Variants in M1AP observed in about 807,000 individuals in gnomAD.
M1AP encodes meiosis 1 arrest protein.
Under a neutral mutation model 51.2 loss-of-function variants are expected in M1AP, and 39 were observed. The observed-to-expected ratio is 0.76, with a 90% CI of 0.59 to 1.00. M1AP has a LOEUF of 1.00. Ranked by LOEUF, M1AP falls within the 50% of genes least tolerant of loss-of-function variation. The pLI, the probability that M1AP is intolerant of heterozygous loss-of-function variation, is 0.00. For synonymous variants in M1AP, 251 were observed against 249.2 expected (o/e 1.01, Z -0.07); for missense variants, 545 against 641.2 (o/e 0.85, Z 1.62).
chr2:74,644,258 G>A (rs1208763797), intron 1 of M1AP, among the ~76,000 whole-genome samples: 1 of 152,218 alleles, frequency 6.6e-6, no homozygotes, highest in Non-Finnish European at 1.5e-5. Flanking sequence ...TACATAGATA[G>A]GCCGGGCGCA....
chr2:74,618,016 G>A (rs1031902593), intron 2 of M1AP, among the ~76,000 whole-genome samples: 1 of 152,144 alleles, frequency 6.6e-6, no homozygotes, highest in Non-Finnish European at 1.5e-5. Context: ...AACAGCAAAC[G>A]TTTAACCTTA....
intron 1 of M1AP, 111 bp from the exon 2 acceptor site, chr2:74,640,438 T>C: frequency 2.2e-6 from 2 of 896,132 alleles, no homozygotes; most frequent in Non-Finnish European, 1.6e-6. Context: ...TCAGATTGGG[T>C]ACTAAAGCTT....
intron 2 of M1AP, among the ~76,000 whole-genome samples, chr2:74,637,279 C>T (rs1044023122): frequency 8.5e-5 from 13 of 152,288 alleles, no homozygotes; most frequent in African/African-American, 2.9e-4. Context: ...GTTTTCCTCT[C>T]TAAAAGTTTG....
At chr2:74,639,257 T>C (rs1221654805) in intron 2 of M1AP, among the ~76,000 whole-genome samples, 1 of 152,262 alleles carries the variant, frequency 6.6e-6, no homozygotes, top group African/African-American at 2.4e-5. Flanking sequence ...ATATATTACA[T>C]TCATAATTCA....
intron 4 of M1AP, among the ~76,000 whole-genome samples, chr2:74,593,967 C>T (rs773258463): frequency 1.2e-4 from 19 of 152,150 alleles, no homozygotes; most frequent in Non-Finnish European, 2.1e-4. Context: ...GAGCCAGAGC[C>T]GGAGCGCCCT....
chr2:74,633,118 A>G (rs570707070), intron 2 of M1AP, among the ~76,000 whole-genome samples: 33 of 152,072 alleles, frequency 2.2e-4, no homozygotes, highest in Non-Finnish European at 4.0e-4. Flanking sequence ...GCTTTGGTCA[A>G]TGGGAGGCAC....
At chr2:74,601,745 G>T (rs1199971636) in intron 4 of M1AP, among the ~76,000 whole-genome samples, 1 of 152,100 alleles carries the variant, frequency 6.6e-6, no homozygotes, top group East Asian at 1.9e-4. Flanking sequence ...TAATGTGAAT[G>T]TAATTTAAAG....
At chr2:74,590,077 T>A (rs1379310774) in intron 4 of M1AP, among the ~76,000 whole-genome samples, 1 of 152,238 alleles carries the variant, frequency 6.6e-6, no homozygotes, top group Non-Finnish European at 1.5e-5. Flanking sequence ...AAACTTGATT[T>A]ACATAATTTC....
chr2:74,626,206 T>C (rs1288697596), intron 2 of M1AP, among the ~76,000 whole-genome samples: 1 of 152,112 alleles, frequency 6.6e-6, no homozygotes, highest in Admixed American at 6.5e-5. Flanking sequence ...AATTCCCTTA[T>C]ATCTTATAGG....
In M1AP at chr2:74,627,486, G is replaced by C. The variant is rs1361960032; in HGVS notation, c.241-12337C>G. Among the ~76,000 whole-genome samples, 4 of 151,890 alleles carry C rather than the reference G, an allele frequency of 2.6e-5. No homozygotes were observed. The South Asian group carries it at 8.3e-4, about 32-fold the overall frequency. On this transcript the variant is annotated intron_variant, in intron 2 of 10. Transcript: ENST00000421985. Reference sequence around the variant, plus strand: ...TTTCATACCCTAATTTCTTTTTCTTGTATCACTACATCAGTGAAAATATCT... The same window carrying C: ...TTTCATACCCTAATTTCTTTTTCTTCTATCACTACATCAGTGAAAATATCT...
chr2:74,605,679 T>A (rs748733014), intron 4 of M1AP, among the ~76,000 whole-genome samples: 3 of 151,986 alleles, frequency 2.0e-5, no homozygotes, highest in Non-Finnish European at 4.4e-5. Context: ...GGCGGGCAGA[T>A]CACAAGATCA....
At chr2:74,575,634 C>G in intron 6 of M1AP, 55 bp from the exon 7 acceptor site, 1 of 1,368,288 alleles carries the variant, frequency 7.3e-7, no homozygotes. Context: ...GAACCTCCAC[C>G]TAGATCCACT....
At chr2:74,642,191 T>G (rs1181473694) in intron 1 of M1AP, among the ~76,000 whole-genome samples, 2 of 151,384 alleles carry the variant, frequency 1.3e-5, no homozygotes, top group Non-Finnish European at 2.9e-5. Context: ...AAAGGTGTAA[T>G]AAGAAAAAAA....
chr2:74,634,541 T>G (rs566909192), intron 2 of M1AP, among the ~76,000 whole-genome samples: 1 of 152,322 alleles, frequency 6.6e-6, no homozygotes, highest in Non-Finnish European at 1.5e-5. Context: ...CCAAGCTGCA[T>G]GCCTTTTATT....
chr2:74,587,955 T>C (rs1679812479), intron 4 of M1AP, among the ~76,000 whole-genome samples: 1 of 132,712 alleles, frequency 7.5e-6, no homozygotes, highest in Non-Finnish European at 1.5e-5. Flanking sequence ...TAAAATAGGG[T>C]TATAAAATTA....
intron 8 of M1AP, among the ~76,000 whole-genome samples, chr2:74,561,679 C>T (rs1678023322): frequency 6.6e-6 from 1 of 152,138 alleles, no homozygotes; most frequent in African/African-American, 2.4e-5. Flanking sequence ...CCTTGTCTAA[C>T]TTCACAATCT....
intron 4 of M1AP, among the ~76,000 whole-genome samples, chr2:74,606,363 A>G (rs964349674): frequency 3.9e-5 from 6 of 152,224 alleles, no homozygotes; most frequent in Non-Finnish European, 7.3e-5. Flanking sequence ...GTCTGTTCAT[A>G]CAGCACTGTT....
Position 74,623,519 on chromosome 2 carries a change from GA to G in M1AP, c.241-8371del, listed in dbSNP as rs1388907714. Among the ~76,000 whole-genome samples the G allele has an allele frequency of 7.4e-3, 1,096 of 148,758 alleles. 12 individuals are homozygous for G. The highest frequency in any genetic ancestry group is 0.014 in the Middle Eastern group (4 of 280). On this transcript the variant is annotated intron_variant, in intron 2 of 10. Transcript: ENST00000421985. The stretch of plus-strand genomic sequence containing the variant: ...CTCTGTCTATAAAAAAAAAAAAAAA[GA>G]GAGAGAGAGAGTTTGAGGCATTGAG...
intron 1 of M1AP, among the ~76,000 whole-genome samples, chr2:74,641,511 T>G (rs1386245160): frequency 6.6e-6 from 1 of 152,202 alleles, no homozygotes; most frequent in Non-Finnish European, 1.5e-5. Flanking sequence ...CTAAAGAAAT[T>G]TTAGAAACCT....
Sources: gnomAD v4.1 joint callset for allele counts (sites outside exome capture counted in the v4.1 genomes callset) on GRCh38, gnomAD v4.1.1 for gene constraint, MANE v1.5 for transcripts, NCBI Gene and HGNC (gene_info 2026-07-23, HGNC 2026-07-21) for gene names.